Variants in PLCH1 observed in about 807,000 individuals in gnomAD.
PLCH1 encodes phospholipase C eta 1.
A neutral mutation model predicts 126.7 loss-of-function variants in PLCH1; 60 were observed. The observed-to-expected ratio is 0.47, with a 90% CI of 0.38 to 0.59. The LOEUF is 0.59. Ranked by LOEUF, PLCH1 falls within the 20% of genes least tolerant of loss-of-function variation. PLCH1 has a pLI of 0.00. For missense variants in PLCH1, 1,723 were observed against 2,040.0 expected, an observed-to-expected ratio of 0.84 and a Z score of 2.99; for synonymous variants, 719 against 734.9, an observed-to-expected ratio of 0.98 and a Z score of 0.35.
intron 4 of PLCH1, among the ~76,000 whole-genome samples, chr3:155,591,914 G>A (rs570274793): frequency 3.3e-5 from 5 of 152,010 alleles, no homozygotes; most frequent in South Asian, 2.1e-4. Context: ...CTATTTTGCC[G>A]AGACTGGTCT....
At chr3:155,498,437 T>C (rs1406389015) in intron 14 of PLCH1, among the ~76,000 whole-genome samples, 3 of 152,240 alleles carry the variant, frequency 2.0e-5, no homozygotes, top group African/African-American at 4.8e-5. Context: ...TTTTATTCAC[T>C]GCTCTGCCAG....
chr3:155,554,545 A>ACTT lies in PLCH1; in HGVS notation c.1070-352_1070-350dup, dbSNP rs10588794. 1.0e-3 allele frequency among the ~76,000 whole-genome samples: 157 copies of ACTT among 151,316 alleles called. 3 individuals carry two copies. In the East Asian group the frequency reaches 0.018, roughly 17 times the overall value. ...CTTGAAAGGTCATTTACCCAATTTC[A>ACTT]CTTCTTCTTCTTCTTCTTCTTCAGG... On this transcript the variant is annotated intron_variant, in intron 8 of 22. Transcript: ENST00000460012.
rs147691862 is a variant in PLCH1, at chr3:155,539,055, C to T, written c.1362+10732G>A. Among the ~76,000 whole-genome samples, 451 of 152,146 alleles carry T rather than the reference C, an allele frequency of 3.0e-3. 1 individual carries two copies. The highest frequency in any genetic ancestry group is 0.019 in the South Asian group (92 of 4,818). On this transcript the variant is annotated intron_variant, in intron 10 of 22. Coordinates refer to ENST00000460012, the MANE Select transcript of PLCH1 (RefSeq NM_014996.4). ...ACAGCATATCAAAAAGATAATCCAC[C>T]GTGATCGAGTGGGTTTCATACCAAG...
chr3:155,522,329 C>T (rs2108285419), intron 11 of PLCH1, among the ~76,000 whole-genome samples: 1 of 152,218 alleles, frequency 6.6e-6, no homozygotes, highest in South Asian at 2.1e-4. Flanking sequence ...TGTATAATGA[C>T]ACCTCAAGCA....
At chr3:155,636,682 G>T (rs999255005) in intron 2 of PLCH1, among the ~76,000 whole-genome samples, 5 of 151,510 alleles carry the variant, frequency 3.3e-5, no homozygotes, top group Admixed American at 1.3e-4. Flanking sequence ...CGGAGTGGAG[G>T]TTGCAGTGAA....
At chr3:155,596,525 G>T in intron 2 of PLCH1, 147 bp from the exon 3 acceptor site, 6 of 471,234 alleles carry the variant, frequency 1.3e-5, no homozygotes, top group Middle Eastern at 5.8e-4. Context: ...TGAAAAGTGA[G>T]TTGTTAAGGA....
intron 21 of PLCH1, among the ~76,000 whole-genome samples, chr3:155,459,728 G>A (rs1195757938): frequency 6.6e-6 from 1 of 152,158 alleles, no homozygotes; most frequent in Admixed American, 6.5e-5. Context: ...ATAGCAATGG[G>A]GATATGGGGA....
At chr3:155,519,012 C>T (rs931453643) in intron 11 of PLCH1, among the ~76,000 whole-genome samples, 1 of 152,216 alleles carries the variant, frequency 6.6e-6, no homozygotes, top group African/African-American at 2.4e-5. Context: ...CTGGGAGCTG[C>T]TAAAGGAATG....
chr3:155,532,152 A>G (rs1722780278), intron 10 of PLCH1, among the ~76,000 whole-genome samples: 1 of 152,228 alleles, frequency 6.6e-6, no homozygotes, highest in South Asian at 2.1e-4. Context: ...AGAAATGTGG[A>G]GATGCCAGAG....
chr3:155,503,532 T>C (rs1376777436), intron 13 of PLCH1, among the ~76,000 whole-genome samples: 5 of 137,156 alleles, frequency 3.6e-5, no homozygotes, highest in Non-Finnish European at 7.5e-5. Flanking sequence ...TATTGTTACT[T>C]CTGTCTTTTT....
intron 21 of PLCH1, chr3:155,486,345 T>G (rs1715088463): frequency 3.3e-6 from 2 of 601,024 alleles, no homozygotes; most frequent in Admixed American, 6.0e-5. Context: ...AGTCTTATGC[T>G]CATTCATTGT....
intron 21 of PLCH1, chr3:155,456,680 C>T (rs1297184176): frequency 6.6e-6 from 1 of 152,262 alleles, no homozygotes; most frequent in Non-Finnish European, 1.5e-5. Flanking sequence ...TTCTCTTCTC[C>T]ATTTCAGGAA....
rs559987124 is a variant in PLCH1 at position 155,644,055 on chromosome 3, GA to G, written c.80-47678del. Among the ~76,000 whole-genome samples, 966 of 152,132 alleles carry G rather than the reference GA, an allele frequency of 6.3e-3. 12 individuals carry two copies. The highest frequency in any genetic ancestry group is 0.022 in the African/African-American group (905 of 41,500). ...ATTTCTGTGGCTGGATCACACACTG[GA>G]AAAAACAGTCACTGGAATGAAGAGA... On this transcript the variant is annotated intron_variant, in intron 2 of 22. Coordinates refer to ENST00000460012, the MANE Select transcript of PLCH1 (RefSeq NM_014996.4).
At chr3:155,544,162 C>T (rs1474042812) in intron 10 of PLCH1, among the ~76,000 whole-genome samples, 1 of 152,100 alleles carries the variant, frequency 6.6e-6, no homozygotes, top group Non-Finnish European at 1.5e-5. Flanking sequence ...CAGACACACA[C>T]ATAGGCTCAA....
intron 2 of PLCH1, among the ~76,000 whole-genome samples, chr3:155,670,548 C>T (rs975431659): frequency 2.0e-5 from 3 of 152,064 alleles, no homozygotes; most frequent in Non-Finnish European, 4.4e-5. Context: ...CTCATGGTAG[C>T]TTCTGTTTTG....
intron 2 of PLCH1, among the ~76,000 whole-genome samples, chr3:155,668,455 C>T (rs1743040036): frequency 6.6e-6 from 1 of 152,064 alleles, no homozygotes; most frequent in Non-Finnish European, 1.5e-5. Context: ...GTTTTATAAA[C>T]CAAATATATT....
At chr3:155,506,502 C>T (rs972554673) in intron 12 of PLCH1, among the ~76,000 whole-genome samples, 1 of 113,472 alleles carries the variant, frequency 8.8e-6, no homozygotes, top group Non-Finnish European at 1.8e-5. Flanking sequence ...TCCCTCCCCC[C>T]TCCCCCCACC....
intron 2 of PLCH1, among the ~76,000 whole-genome samples, chr3:155,631,222 A>C (rs576724855): frequency 3.8e-4 from 58 of 152,328 alleles, no homozygotes; most frequent in Non-Finnish European, 6.8e-4. Context: ...ATGCTTGACA[A>C]ATAATAAAAT....
chr3:155,627,910 G>A (rs1362853579), intron 2 of PLCH1, among the ~76,000 whole-genome samples: 1 of 151,568 alleles, frequency 6.6e-6, no homozygotes, highest in Non-Finnish European at 1.5e-5. Context: ...TGGGATTACA[G>A]GCACCCACCA....
Sources: gnomAD v4.1 joint callset for allele counts (sites outside exome capture counted in the v4.1 genomes callset) on GRCh38, gnomAD v4.1.1 for gene constraint, MANE v1.5 for transcripts, NCBI Gene and HGNC (gene_info 2026-07-23, HGNC 2026-07-21) for gene names.